Variants in MAP2 observed in about 807,000 individuals in gnomAD.
MAP2 encodes microtubule-associated protein 2.
In MAP2, 14 loss-of-function variants were observed where a neutral mutation model predicts 137.6. The ratio of observed to expected loss-of-function variants is 0.10; its 90% CI spans 0.07 to 0.16. The LOEUF is 0.16. MAP2 is among the 10% of genes least tolerant of loss of function. The pLI is 1.00. For synonymous variants in MAP2, 786 were observed against 782.3 expected (o/e 1.00, Z -0.08); for missense variants, 2,088 against 2,191.5 (o/e 0.95, Z 0.94).
chr2:209,509,424 T>A lies in MAP2; in HGVS notation c.-172+1783T>A, dbSNP rs1323808462. ...TAACGTGTACATATAAATGGAAACA[T>A]GTTTAAGCCTCTCTTATTACCAGGT... On this transcript the variant is annotated intron_variant, in intron 2 of 15. Transcript: ENST00000682079. Among the ~76,000 whole-genome samples, 12 of 151,978 alleles carry A rather than the reference T, an allele frequency of 7.9e-5. No homozygotes were observed. The East Asian group carries it at 2.3e-3, about 29-fold the overall frequency.
At chr2:209,495,897 T>G (rs1035103805) in intron 1 of MAP2, among the ~76,000 whole-genome samples, 14 of 152,208 alleles carry the variant, frequency 9.2e-5, no homozygotes, top group African/African-American at 3.1e-4. Context: ...CAACTGACAT[T>G]TATTTCTAGT....
At chr2:209,446,489 G>A (rs1223914167) in intron 1 of MAP2, among the ~76,000 whole-genome samples, 1 of 151,742 alleles carries the variant, frequency 6.6e-6, no homozygotes, top group Non-Finnish European at 1.5e-5. Context: ...GAAAAGTTGG[G>A]TAGTTAATGA....
intron 1 of MAP2, among the ~76,000 whole-genome samples, chr2:209,485,341 A>C (rs2058246191): frequency 6.6e-6 from 1 of 152,190 alleles, no homozygotes; most frequent in Non-Finnish European, 1.5e-5. Flanking sequence ...AGAGTTAATC[A>C]ATTCATTAGA....
At chr2:209,642,305 G>A (rs1029263155) in intron 4 of MAP2, among the ~76,000 whole-genome samples, 4 of 151,594 alleles carry the variant, frequency 2.6e-5, no homozygotes, top group African/African-American at 9.7e-5. Context: ...ATAGTGATGT[G>A]CACTTATAAT....
At chr2:209,516,088 C>T (rs1438879719) in intron 2 of MAP2, among the ~76,000 whole-genome samples, 1 of 152,130 alleles carries the variant, frequency 6.6e-6, no homozygotes, top group African/African-American at 2.4e-5. Flanking sequence ...AGCCACTGCA[C>T]CTGGCCCGGA....
intron 1 of MAP2, among the ~76,000 whole-genome samples, chr2:209,450,133 G>A (rs933872264): frequency 6.6e-6 from 1 of 152,014 alleles, no homozygotes; most frequent in African/African-American, 2.4e-5. Context: ...GTAGAGATGG[G>A]GTTTCACCAT....
chr2:209,688,355 C>T (rs1418260452), intron 7 of MAP2, among the ~76,000 whole-genome samples: 2 of 152,052 alleles, frequency 1.3e-5, no homozygotes, highest in African/African-American at 4.8e-5. Context: ...CCTCCTTAGA[C>T]ACATAATATT....
intron 3 of MAP2, among the ~76,000 whole-genome samples, chr2:209,609,157 T>C (rs1230312862): frequency 1.3e-5 from 2 of 151,974 alleles, no homozygotes; most frequent in African/African-American, 4.8e-5. Context: ...ATGCCTAATA[T>C]ATAGTAACAA....
intron 5 of MAP2, among the ~76,000 whole-genome samples, chr2:209,663,459 A>G (rs1242056940): frequency 6.6e-6 from 1 of 152,186 alleles, no homozygotes; most frequent in Non-Finnish European, 1.5e-5. Flanking sequence ...CATAGAAAAT[A>G]CAGTTCAAAA....
At chr2:209,632,075 G>T (rs13000863) in intron 4 of MAP2, among the ~76,000 whole-genome samples, 1 of 152,156 alleles carries the variant, frequency 6.6e-6, no homozygotes, top group Non-Finnish European at 1.5e-5. Context: ...GATTACACTG[G>T]CAAAGATATG....
intron 5 of MAP2, among the ~76,000 whole-genome samples, chr2:209,667,169 A>C (rs2046701446): frequency 2.6e-5 from 4 of 152,022 alleles, no homozygotes; most frequent in Non-Finnish European, 5.9e-5. Context: ...TATTAAAACC[A>C]TACTTCTCTT....
At chr2:209,717,009 G>A (rs1266412289) in intron 13 of MAP2, among the ~76,000 whole-genome samples, 1 of 152,132 alleles carries the variant, frequency 6.6e-6, no homozygotes, top group African/African-American at 2.4e-5. Flanking sequence ...AAGGGAAGAA[G>A]GAGACATAGA....
intron 5 of MAP2, among the ~76,000 whole-genome samples, chr2:209,672,941 A>T (rs896347031): frequency 6.6e-6 from 1 of 151,802 alleles, no homozygotes; most frequent in South Asian, 2.1e-4. Flanking sequence ...AATCTCCTGT[A>T]TGTGTTTCCA....
chr2:209,638,838 T>C (rs1208861402), intron 4 of MAP2, among the ~76,000 whole-genome samples: 1 of 152,136 alleles, frequency 6.6e-6, no homozygotes, highest in African/African-American at 2.4e-5. Context: ...TCATCATCAT[T>C]TTCCTAATGC....
chr2:209,525,366 T>G (rs1254397051), intron 2 of MAP2, among the ~76,000 whole-genome samples: 1 of 152,188 alleles, frequency 6.6e-6, no homozygotes, highest in Non-Finnish European at 1.5e-5. Context: ...AAACTTGATA[T>G]AGTCTATACC....
intron 2 of MAP2, among the ~76,000 whole-genome samples, chr2:209,571,685 G>A (rs1475819536): frequency 3.3e-5 from 5 of 151,960 alleles, no homozygotes; most frequent in Non-Finnish European, 5.9e-5. Context: ...ATGTGACATT[G>A]TTTTTAAAAA....
intron 2 of MAP2, among the ~76,000 whole-genome samples, chr2:209,512,425 CT>C (rs943364734): frequency 1.5e-4 from 23 of 151,722 alleles, no homozygotes; most frequent in African/African-American, 3.6e-4. Context: ...CTATTAAAGT[CT>C]TTTTTTCTAG....
chr2:209,495,400 C>T (rs1199268389), intron 1 of MAP2, among the ~76,000 whole-genome samples: 5 of 152,242 alleles, frequency 3.3e-5, no homozygotes, highest in Non-Finnish European at 7.3e-5. Flanking sequence ...GGAGATACCT[C>T]CCAGTAGGGG....
At chr2:209,650,017 C>T (rs1458091132) in intron 4 of MAP2, among the ~76,000 whole-genome samples, 1 of 152,100 alleles carries the variant, frequency 6.6e-6, no homozygotes, top group African/African-American at 2.4e-5. Context: ...TGGATGATTA[C>T]CAAGTAGCAC....
Sources: allele counts gnomAD v4.1 joint callset (sites outside exome capture counted in the v4.1 genomes callset), GRCh38; gene constraint gnomAD v4.1.1; transcripts MANE v1.5; gene names NCBI Gene and HGNC (gene_info 2026-07-23, HGNC 2026-07-21).